The following STAB2 variants were observed in gnomAD, a reference collection of about 807,000 sequenced individuals.
STAB2 encodes stabilin 2.
STAB2 carries 288 observed loss-of-function variants against 338.1 expected under a neutral mutation model. The ratio of observed to expected loss-of-function variants is 0.85; its 90% CI spans 0.77 to 0.94. STAB2 has a LOEUF of 0.94. STAB2 is among the 40% of genes least tolerant of loss of function. The probability of loss-of-function intolerance (pLI) is 0.00; values close to 1 mark genes in which losing one functional copy is unlikely to be tolerated. For missense variants in STAB2, 3,141 were observed against 3,210.1 expected, an observed-to-expected ratio of 0.98 and a Z score of 0.52; for synonymous variants, 1,202 against 1,193.3, an observed-to-expected ratio of 1.01 and a Z score of -0.15.
At position 103,660,570 on chromosome 12, in the gene STAB2, C is replaced by T. The variant is rs980681928; in HGVS notation, c.1789-113C>T. ...GCCACAAAAACTCTTGAGATCAAAA[C>T]TCCCTTTACTTATTTCACTTTGAAA... On this transcript the variant is annotated intron_variant, in intron 16 of 68. Transcript: ENST00000388887. 31 of 1,343,106 alleles carry T rather than the reference C, an allele frequency of 2.3e-5. No individual in the cohort carries two copies. The Admixed American group carries it at 5.3e-4, about 23-fold the overall frequency. The allele number at this position is 1,343,106 out of a possible 1,614,324, so 83.2% of individuals were successfully genotyped here.
At chr12:103,676,905 C>T (rs1876427649) in intron 24 of STAB2, among the ~76,000 whole-genome samples, 1 of 152,186 alleles carries the variant, frequency 6.6e-6, no homozygotes. Flanking sequence ...CCACCTGACC[C>T]CAGCCTACAG....
At chr12:103,632,857 T>C (rs73394087) in intron 6 of STAB2, among the ~76,000 whole-genome samples, 5,630 of 152,296 alleles carry the variant, frequency 0.037, 339 homozygotes, top group African/African-American at 0.13. Flanking sequence ...GCTGAGATGT[T>C]AAGAAATCGA....
intron 44 of STAB2, among the ~76,000 whole-genome samples, chr12:103,722,505 C>T (rs1194384301): frequency 1.3e-5 from 2 of 152,174 alleles, no homozygotes; most frequent in Non-Finnish European, 2.9e-5. Context: ...AAAGTAGAAA[C>T]ATAGACATTT....
chr12:103,623,346 A>G (rs1957332550), intron 5 of STAB2, among the ~76,000 whole-genome samples: 1 of 152,184 alleles, frequency 6.6e-6, no homozygotes, highest in Admixed American at 6.5e-5. Context: ...GGTACCTTAC[A>G]TGGCAAAGAG....
chr12:103,695,669 C>T (rs1338830341), intron 32 of STAB2, 21 bp downstream of exon 32: 2 of 1,614,170 alleles, frequency 1.2e-6, no homozygotes, highest in South Asian at 2.2e-5. Flanking sequence ...CATTCTCTGC[C>T]TGACCACCAT....
chr12:103,613,725 A>G (rs1309045402), intron 3 of STAB2, among the ~76,000 whole-genome samples: 1 of 152,170 alleles, frequency 6.6e-6, no homozygotes, highest in African/African-American at 2.4e-5. Context: ...CCCCAGTGAG[A>G]CAAACCTGGT....
rs138135367 is a variant in STAB2, at chr12:103,597,228, G to A, written c.331+2718G>A. Among the ~76,000 whole-genome samples the A allele has an allele frequency of 1.4e-3, 213 of 152,236 alleles. 1 individual carries two copies. Among genetic ancestry groups the A allele is most frequent in the Middle Eastern group, 0.01 (3 of 294 alleles). ...TTTACCTCTCACATTTTGTGGTGAT[G>A]ACAAGCAAAACCTTGACTATCACTT... On this transcript the variant is annotated intron_variant, in intron 3 of 68. Transcript: ENST00000388887.
intron 10 of STAB2, among the ~76,000 whole-genome samples, chr12:103,650,246 A>G (rs1873635111): frequency 6.6e-6 from 1 of 151,828 alleles, no homozygotes; most frequent in Non-Finnish European, 1.5e-5. Flanking sequence ...CAGCCAGGGT[A>G]TCTTTGAAGC....
intron 33 of STAB2, 92 bp downstream of exon 33, chr12:103,695,936 C>T (rs1878366089): frequency 3.2e-6 from 4 of 1,233,188 alleles, no homozygotes. Flanking sequence ...CATTTCACTC[C>T]TTCATCCTTG....
chr12:103,710,642 G>A (rs11111723), intron 39 of STAB2, among the ~76,000 whole-genome samples: 12,150 of 152,218 alleles, frequency 0.08, 1,109 homozygotes, highest in African/African-American at 0.23. Flanking sequence ...GTAGAGAATA[G>A]AGAGAAAGGG....
intron 3 of STAB2, among the ~76,000 whole-genome samples, chr12:103,615,095 G>A (rs1168483136): frequency 6.6e-6 from 1 of 152,180 alleles, no homozygotes; most frequent in Non-Finnish European, 1.5e-5. Context: ...AGTTTCATCT[G>A]CTTTCTAAGC....
In STAB2 at chr12:103,730,100, T is replaced by C. The variant is rs375886239; in HGVS notation, c.5083-16T>C. On this transcript the variant is annotated splice_polypyrimidine_tract_variant and intron_variant, in intron 48 of 68. Transcript: ENST00000388887. Reference sequence around the variant, plus strand: ...CACTTTGCACTCATTTCTTTTTTGTTTTTGGTTGATTTCAGAGCACGGTGT... The same window carrying C: ...CACTTTGCACTCATTTCTTTTTTGTCTTTGGTTGATTTCAGAGCACGGTGT... 1.8e-5 allele frequency: 28 copies of C among 1,562,006 alleles called. No individual in the cohort carries two copies. In the African/African-American group the frequency reaches 3.8e-4, roughly 21 times the overall value.
chr12:103,765,215 T>C (rs1488646346), intron 68 of STAB2, among the ~76,000 whole-genome samples: 1 of 151,818 alleles, frequency 6.6e-6, no homozygotes, highest in Non-Finnish European at 1.5e-5. Context: ...TCCTCTCCAA[T>C]GCACCCCATG....
intron 3 of STAB2, among the ~76,000 whole-genome samples, chr12:103,601,728 A>T (rs1002123055): frequency 6.6e-6 from 1 of 152,262 alleles, no homozygotes; most frequent in Non-Finnish European, 1.5e-5. Context: ...ATATTAAAAC[A>T]TTCAAATTGA....
chr12:103,641,414 C>T (rs1378340014), intron 9 of STAB2, among the ~76,000 whole-genome samples: 2 of 152,186 alleles, frequency 1.3e-5, no homozygotes, highest in Non-Finnish European at 2.9e-5. Context: ...CCCACCAGGG[C>T]TGTGCTGAAA....
chr12:103,596,138 C>T (rs1379658743), intron 3 of STAB2, among the ~76,000 whole-genome samples: 1 of 152,212 alleles, frequency 6.6e-6, no homozygotes, highest in African/African-American at 2.4e-5. Context: ...TTAACTCCGA[C>T]TTCCAGATTT....
Position 103,647,612 on chromosome 12 carries a change from TC to T in STAB2, c.1041-1077del, listed in dbSNP as rs1370774534. Among the ~76,000 whole-genome samples the T allele has an allele frequency of 2.0e-5, 3 of 152,246 alleles. No homozygotes were observed. In the East Asian group the frequency reaches 5.8e-4, roughly 29 times the overall value. On this transcript the variant is annotated intron_variant, in intron 9 of 68. Transcript: ENST00000388887. ...TCTGCTATAGCCAGAGCTTATGGAC[TC>T]ACAAGAGCTGAGTTTTAAAGTTTCA...
chr12:103,761,374 C>T lies in STAB2; in HGVS notation c.7323C>T (p.Val2441=), dbSNP rs528174827. The change falls in exon 66 of 69, where the codon GTC becomes GTT. Residue 2441 remains valine (V), a synonymous_variant. Transcript: ENST00000388887. The part of the protein sequence containing the change: ...DIFASNGIIH[V]ISRPLKAPPA... ...TTGCCTCCAATGGGATCATTCATGT[C>T]ATTTCCAGGCCTTTAAAAGCACCCC... 179 of 1,614,002 alleles carry T rather than the reference C, an allele frequency of 1.1e-4. 1 individual carries two copies. In the South Asian group the frequency reaches 1.9e-3, roughly 17 times the overall value.
At chr12:103,693,914 A>T (rs2138922830) in intron 31 of STAB2, among the ~76,000 whole-genome samples, 1 of 151,928 alleles carries the variant, frequency 6.6e-6, no homozygotes, top group South Asian at 2.1e-4. Flanking sequence ...GCACTTTGGG[A>T]GGCCGAGGCG....
Sources: allele counts gnomAD v4.1 joint callset (sites outside exome capture counted in the v4.1 genomes callset), GRCh38; gene constraint gnomAD v4.1.1; transcripts MANE v1.5; gene names NCBI Gene and HGNC (gene_info 2026-07-23, HGNC 2026-07-21).